CC2D2A: variants seen among roughly 807,000 people sequenced by gnomAD.
The protein encoded by CC2D2A is coiled-coil and C2 domain containing 2A, also known as coiled-coil and C2 domain-containing protein 2A.
CC2D2A carries 155 observed loss-of-function variants against 212.9 expected under a neutral mutation model. That is an observed-to-expected ratio of 0.73 (90% confidence interval 0.64 to 0.83). The LOEUF (loss-of-function observed/expected upper bound fraction) is 0.83, where lower values mean the gene tolerates loss of function less well. CC2D2A is among the 40% of genes least tolerant of loss of function. The pLI, the probability that CC2D2A is intolerant of heterozygous loss-of-function variation, is 0.00. For missense variants in CC2D2A, 1,856 were observed against 1,956.2 expected, an observed-to-expected ratio of 0.95 and a Z score of 0.97; for synonymous variants, 667 against 686.5, an observed-to-expected ratio of 0.97 and a Z score of 0.44.
At position 15,584,191 on chromosome 4, in the gene CC2D2A, T is replaced by C. The variant is rs115771968; in HGVS notation, c.3976-1966T>C. ...TATGGAAATAAGAAAAGATCCCAAA[T>C]AGCCAATGTAACCTTGAGTAAAAAG... On this transcript the variant is annotated intron_variant, in intron 30 of 36. Coordinates refer to ENST00000424120, the MANE Select transcript of CC2D2A (RefSeq NM_001378615.1). Among the ~76,000 whole-genome samples the C allele has an allele frequency of 3.2e-3, 483 of 151,940 alleles. 4 individuals are homozygous for C. The highest frequency in any genetic ancestry group is 5.9e-3 in the Non-Finnish European group (400 of 67,950).
intron 4 of CC2D2A, among the ~76,000 whole-genome samples, chr4:15,490,960 C>T (rs1179114679): frequency 6.6e-6 from 1 of 152,096 alleles, no homozygotes; most frequent in African/African-American, 2.4e-5. Context: ...CACGGACCGC[C>T]TTAGAGTTGT....
At chr4:15,532,611 C>T (rs996082278) in intron 13 of CC2D2A, among the ~76,000 whole-genome samples, 1 of 152,176 alleles carries the variant, frequency 6.6e-6, no homozygotes, top group Non-Finnish European at 1.5e-5. Context: ...CATTATGCAA[C>T]AAAATGCATT....
At chr4:15,488,441 T>C (rs1715126003) in intron 4 of CC2D2A, among the ~76,000 whole-genome samples, 1 of 152,366 alleles carries the variant, frequency 6.6e-6, no homozygotes, top group East Asian at 1.9e-4. Context: ...TGCTGCCAGA[T>C]GAATCAGAGC....
intron 29 of CC2D2A, among the ~76,000 whole-genome samples, chr4:15,574,737 C>T (rs548344596): frequency 4.3e-4 from 66 of 152,298 alleles, no homozygotes; most frequent in African/African-American, 1.5e-3. Flanking sequence ...ACATCCTTGG[C>T]TATGGTATGC....
intron 6 of CC2D2A, among the ~76,000 whole-genome samples, chr4:15,504,953 G>A (rs926437177): frequency 3.9e-5 from 6 of 152,152 alleles, no homozygotes; most frequent in East Asian, 1.9e-4. Context: ...AAAGGCTGCC[G>A]ACCTCACTCA....
At chr4:15,590,232 G>A (rs1233339697) in intron 33 of CC2D2A, among the ~76,000 whole-genome samples, 1 of 152,148 alleles carries the variant, frequency 6.6e-6, no homozygotes, top group Admixed American at 6.6e-5. Flanking sequence ...ATAAGTTATA[G>A]AGCTGGGCGC....
intron 4 of CC2D2A, among the ~76,000 whole-genome samples, chr4:15,495,758 AT>A (rs2108991396): frequency 6.6e-6 from 1 of 152,250 alleles, no homozygotes; most frequent in South Asian, 2.1e-4. Flanking sequence ...CAGTAATGGG[AT>A]TACTGGGCCA....
intron 1 of CC2D2A, among the ~76,000 whole-genome samples, chr4:15,470,681 CTCTCTCTCTATA>C (rs1442801591): frequency 3.5e-5 from 2 of 57,352 alleles, no homozygotes; most frequent in African/African-American, 1.3e-4. Flanking sequence ...CTCTCTCTCT[CTCTCTCTCTATA>C]TATATATATA....
chr4:15,497,730 GT>G (rs1715698126), intron 4 of CC2D2A, among the ~76,000 whole-genome samples: 1 of 152,100 alleles, frequency 6.6e-6, no homozygotes, highest in Non-Finnish European at 1.5e-5. Flanking sequence ...TGTGGTTTTG[GT>G]TTCCATTTTC....
rs748886997 is a variant in CC2D2A at position 15,502,865 on chromosome 4, G to A, written c.380G>A (p.Arg127Gln). Residue 127 changes from arginine to glutamine, a missense_variant, in exon 6 of 37, where the codon CGG becomes CAG. By Grantham distance (43) the Arg-to-Gln change is conservative. This residue lies in a region of CC2D2A where 1,512 missense variants were observed against 1,579.3 expected (regional missense o/e 0.96). Coordinates refer to ENST00000424120, the MANE Select transcript of CC2D2A (RefSeq NM_001378615.1). ...TTGCTGCAGGAAATCCCCACTCCTC[G>A]GCCCAGACGCTTACGAAGTCCCAGT... ...SALLQEIPTP[R>Q]PRRLRSPSKK... 3.0e-5 allele frequency: 48 copies of A among 1,611,520 alleles called. No homozygotes were observed. The highest frequency in any genetic ancestry group is 1.1e-4 in the East Asian group (5 of 44,834).
At chr4:15,478,865 T>A in intron 3 of CC2D2A, 59 bp downstream of exon 3, 2 of 1,339,718 alleles carry the variant, frequency 1.5e-6, no homozygotes, top group Non-Finnish European at 2.1e-6. Context: ...CCCGCCTGCA[T>A]CCCCAGGGCC....
intron 11 of CC2D2A, among the ~76,000 whole-genome samples, chr4:15,525,014 T>C (rs993596387): frequency 4.6e-5 from 7 of 152,160 alleles, no homozygotes; most frequent in Admixed American, 3.3e-4. Flanking sequence ...TTCTCCCTAA[T>C]AGGAAGAGAG....
intron 16 of CC2D2A, among the ~76,000 whole-genome samples, chr4:15,539,649 C>G (rs924652149): frequency 3.3e-5 from 5 of 152,128 alleles, no homozygotes; most frequent in Non-Finnish European, 7.4e-5. Context: ...ATAAACTATT[C>G]CCCTGCACTA....
At chr4:15,512,962 A>G (rs1486557418) in intron 8 of CC2D2A, among the ~76,000 whole-genome samples, 1 of 152,128 alleles carries the variant, frequency 6.6e-6, no homozygotes, top group Non-Finnish European at 1.5e-5. Flanking sequence ...AAAAAAAAAA[A>G]AAAGGTTAAA....
rs1716486206 is a variant in CC2D2A, at chr4:15,510,133, A to C, written c.439-6A>C. The C allele has an allele frequency of 6.2e-7, 1 of 1,606,784 alleles. No individual in the cohort carries two copies. The highest frequency in any genetic ancestry group is 8.5e-7 in the Non-Finnish European group (1 of 1,173,912). On this transcript the variant is annotated splice_polypyrimidine_tract_variant and splice_region_variant and intron_variant, in intron 6 of 36. Coordinates refer to ENST00000424120, the MANE Select transcript of CC2D2A (RefSeq NM_001378615.1). ...GTTTATCTATCATTTTTTTCCACTC[A>C]TATAGCCAGGGAAAGAGGTAGAAAG...
At chr4:15,480,683 C>T in intron 3 of CC2D2A, 21 bp from the exon 4 acceptor site, 2 of 1,603,530 alleles carry the variant, frequency 1.2e-6, no homozygotes, top group South Asian at 2.2e-5. Flanking sequence ...AGTCTCTGAA[C>T]CTCTGACCTT....
intron 19 of CC2D2A, among the ~76,000 whole-genome samples, chr4:15,554,013 T>C (rs149430436): frequency 3.9e-5 from 6 of 152,354 alleles, no homozygotes; most frequent in African/African-American, 9.6e-5. Context: ...GTTCAACTTA[T>C]GGAAAAACAG....
rs751897663 is a variant in CC2D2A, at chr4:15,580,030, C to A, written c.3834C>A (p.Ala1278=). Residue 1278 remains alanine (A), a synonymous_variant, in exon 30 of 37, where the codon GCC becomes GCA. Transcript: ENST00000424120. ...QATEKFQAEC[A]LKFPNRQCLT... is the part of the protein sequence containing the mutation. ...CTGAGAAGTTTCAAGCTGAATGTGC[C>A]TTAAAGTTTCCAAATCGTCAGTGCC... The A allele has an allele frequency of 6.2e-7, 1 of 1,613,918 alleles. No individual in the cohort carries two copies. The highest frequency in any genetic ancestry group is 8.5e-7 in the Non-Finnish European group (1 of 1,179,868).
In CC2D2A at chr4:15,502,948, T is replaced by G. The variant is rs199546835; in HGVS notation, c.438+25T>G. The G allele has an allele frequency of 1.0e-3, 1,620 of 1,545,648 alleles. 28 individuals are homozygous for G. The South Asian group carries it at 0.018, about 17-fold the overall frequency. ...GGTGAGAAATACCCTCTCTACTTTG[T>G]GATCAAAACCAGTAAAGCAGAATAT... On this transcript the variant is annotated intron_variant, in intron 6 of 36. Transcript: ENST00000424120.
Sources: allele counts gnomAD v4.1 joint callset (sites outside exome capture counted in the v4.1 genomes callset), GRCh38; gene constraint gnomAD v4.1.1; regional missense constraint gnomAD v4.1.1; transcripts MANE v1.5; gene names NCBI Gene and HGNC (gene_info 2026-07-23, HGNC 2026-07-21).